MTMR3: variants seen among roughly 807,000 people sequenced by gnomAD.
MTMR3 encodes phosphatidylinositol-3,5-bisphosphate 3-phosphatase MTMR3.
In MTMR3, 32 loss-of-function variants were observed where a neutral mutation model predicts 132.4. The observed-to-expected ratio is 0.24, with a 90% CI of 0.18 to 0.32. The LOEUF (loss-of-function observed/expected upper bound fraction) is 0.32. Among genes scored for constraint, MTMR3 ranks in the 10% least tolerant of loss-of-function variants. MTMR3 has a pLI of 1.00. For missense variants in MTMR3, 1,216 were observed against 1,489.6 expected, an observed-to-expected ratio of 0.82 and a Z score of 3.02; for synonymous variants, 556 against 550.3, an observed-to-expected ratio of 1.01 and a Z score of -0.14.
intron 2 of MTMR3, among the ~76,000 whole-genome samples, chr22:29,967,855 CTATG>C (rs922180054): frequency 3.3e-5 from 5 of 151,610 alleles, no homozygotes; most frequent in African/African-American, 9.7e-5. Context: ...ATGTTTTCAT[CTATG>C]TGTGTCATGT....
chr22:29,967,235 ATG>A (rs1491466740), intron 2 of MTMR3, among the ~76,000 whole-genome samples: 1 of 61,350 alleles, frequency 1.6e-5, no homozygotes, highest in African/African-American at 6.8e-5. Flanking sequence ...GTGTGTGTGC[ATG>A]CGCGCGCGCG....
chr22:29,921,407 G>A (rs945594427), intron 1 of MTMR3, among the ~76,000 whole-genome samples: 1 of 152,166 alleles, frequency 6.6e-6, no homozygotes. Flanking sequence ...CACCTCCAAC[G>A]TTTGGGATCA....
At chr22:29,970,951 T>TTCCCCTCTTCCCCCC in intron 2 of MTMR3, 25 bp from the exon 3 acceptor site, 1 of 680,382 alleles carries the variant, frequency 1.5e-6, no homozygotes, top group Non-Finnish European at 2.3e-6. Context: ...TTTTTCTTCT[T>TTCCCCTCTTCCCCCC]CCCCCTCTTC....
At chr22:30,017,839 G>A (rs1050429800) in intron 15 of MTMR3, 88 bp from the exon 16 acceptor site, 19 of 1,543,018 alleles carry the variant, frequency 1.2e-5, no homozygotes, top group East Asian at 2.3e-5. Flanking sequence ...GGGTATTCCA[G>A]CTGGGTGCTT....
intron 5 of MTMR3, chr22:29,986,450 T>C: frequency 1.9e-6 from 1 of 520,160 alleles, no homozygotes; most frequent in South Asian, 8.3e-5. Context: ...GTCTTCTTAA[T>C]CTCAATATTT....
At chr22:29,916,104 G>A (rs571486415) in intron 1 of MTMR3, among the ~76,000 whole-genome samples, 31 of 152,086 alleles carry the variant, frequency 2.0e-4, no homozygotes, top group Middle Eastern at 6.8e-3. Context: ...ATAATTCAAC[G>A]TTAGGCTTGT....
At chr22:29,916,100 C>T (rs1374992202) in intron 1 of MTMR3, among the ~76,000 whole-genome samples, 1 of 152,106 alleles carries the variant, frequency 6.6e-6, no homozygotes, top group Non-Finnish European at 1.5e-5. Flanking sequence ...ATCCATAATT[C>T]AACGTTAGGC....
intron 2 of MTMR3, among the ~76,000 whole-genome samples, chr22:29,958,488 G>A (rs1050812950): frequency 2.6e-5 from 4 of 151,974 alleles, no homozygotes; most frequent in Non-Finnish European, 5.9e-5. Flanking sequence ...TAGCCACACC[G>A]ACCTACCTCC....
At chr22:29,997,801 C>A (rs145651796) in intron 7 of MTMR3, 4 of 152,306 alleles carry the variant, frequency 2.6e-5, no homozygotes, top group African/African-American at 9.6e-5. Flanking sequence ...TGGACCTGAT[C>A]TGAGCTGACA....
intron 1 of MTMR3, among the ~76,000 whole-genome samples, chr22:29,893,406 A>G (rs1044858441): frequency 2.0e-5 from 3 of 152,138 alleles, no homozygotes; most frequent in African/African-American, 7.2e-5. Flanking sequence ...GTAGGCTGCT[A>G]TTTATAAAGG....
intron 19 of MTMR3, chr22:30,023,418 G>T (rs1301848290): frequency 6.2e-7 from 1 of 1,613,388 alleles, no homozygotes; most frequent in African/African-American, 1.3e-5. Flanking sequence ...GATATCTTTG[G>T]TTGGCTTCTC....
intron 1 of MTMR3, among the ~76,000 whole-genome samples, chr22:29,942,893 G>C (rs572859850): frequency 1.8e-4 from 28 of 152,202 alleles, no homozygotes; most frequent in Admixed American, 7.8e-4. Context: ...TCATCACAGG[G>C]TCCTGAGGTG....
intron 1 of MTMR3, among the ~76,000 whole-genome samples, chr22:29,954,800 T>G (rs2066156224): frequency 6.6e-6 from 1 of 152,198 alleles, no homozygotes; most frequent in Admixed American, 6.5e-5. Context: ...TCCCCCAATT[T>G]ACCTGTTGGA....
At chr22:29,938,296 A>G (rs2065789247) in intron 1 of MTMR3, among the ~76,000 whole-genome samples, 1 of 152,224 alleles carries the variant, frequency 6.6e-6, no homozygotes, top group South Asian at 2.1e-4. Context: ...CCCGCTTGGT[A>G]CAACCTTCTC....
chr22:29,925,880 A>T (rs992618499), intron 1 of MTMR3, among the ~76,000 whole-genome samples: 6 of 152,192 alleles, frequency 3.9e-5, no homozygotes, highest in Non-Finnish European at 8.8e-5. Context: ...AAGCCACTGC[A>T]CTCCAGCCTG....
intron 10 of MTMR3, 46 bp downstream of exon 10, chr22:30,007,365 A>G (rs745721088): frequency 6.3e-7 from 1 of 1,575,756 alleles, no homozygotes; most frequent in East Asian, 2.2e-5. Flanking sequence ...ATAGCATCTA[A>G]GAACCTTTTC....
chr22:29,993,555 C>G (rs908950928), intron 7 of MTMR3: 1 of 152,198 alleles, frequency 6.6e-6, no homozygotes, highest in African/African-American at 2.4e-5. Context: ...GAGGTATTCC[C>G]TAATTTTGGG....
chr22:30,001,405 T>C (rs1472743093), intron 8 of MTMR3: 1 of 151,704 alleles, frequency 6.6e-6, no homozygotes, highest in African/African-American at 2.4e-5. Flanking sequence ...AAAAAAAAAT[T>C]AGTTGGGCAT....
rs1023668443 is a variant in MTMR3, at chr22:30,026,231, A to G, written c.*430A>G. 1 of 173,698 alleles carries G rather than the reference A, an allele frequency of 5.8e-6. No individual in the cohort carries two copies. 10.8% of individuals were successfully genotyped at this position (173,698 alleles called of 1,614,324 possible). A position where few individuals can be genotyped will look rare whatever the true frequency, so the allele number is the denominator to read the frequency against. On this transcript the variant is annotated 3_prime_UTR_variant, in exon 20 of 20. Coordinates refer to ENST00000401950, the MANE Select transcript of MTMR3 (RefSeq NM_021090.4). ...AGAAAGCCAGTGCTAACATGCAACC[A>G]TTCCTCACGCCACCGCCACATCAGA...
Sources: gnomAD v4.1 joint callset for allele counts (sites outside exome capture counted in the v4.1 genomes callset) on GRCh38, gnomAD v4.1.1 for gene constraint, MANE v1.5 for transcripts, NCBI Gene and HGNC (gene_info 2026-07-23, HGNC 2026-07-21) for gene names.